CNPPD1: variants seen among roughly 807,000 people sequenced by gnomAD.
CNPPD1 encodes the protein protein CNPPD1.
A neutral mutation model predicts 43.7 loss-of-function variants in CNPPD1; 40 were observed. The ratio of observed to expected loss-of-function variants is 0.92; its 90% confidence interval spans 0.71 to 1.19. CNPPD1 has a LOEUF of 1.19. CNPPD1 is among the 50% of genes most tolerant of loss of function. CNPPD1 has a pLI of 0.00. For missense variants in CNPPD1, 511 were observed against 518.5 expected, an observed-to-expected ratio of 0.99 and a Z score of 0.14; for synonymous variants, 208 against 214.3, an observed-to-expected ratio of 0.97 and a Z score of 0.26.
chr2:219,177,770 TAAG>T (rs1950200801), upstream of CNPPD1: 1 of 152,122 alleles, frequency 6.6e-6, no homozygotes, highest in Non-Finnish European at 1.5e-5. Flanking sequence ...TGGGAAAGTT[TAAG>T]GAGATAGGAA....
chr2:219,176,383 C>G, intron 1 of CNPPD1, 52 bp from the exon 2 acceptor site: 1 of 1,349,604 alleles, frequency 7.4e-7, no homozygotes, highest in Non-Finnish European at 1.1e-6. Flanking sequence ...AGGTATGATG[C>G]AGATCCTGGC....
At chr2:219,176,608 T>C in intron 1 of CNPPD1, 152 bp downstream of exon 1, 1 of 667,392 alleles carries the variant, frequency 1.5e-6, no homozygotes, top group Non-Finnish European at 2.5e-6. Context: ...TCCGCGGCTC[T>C]CCCTCCCGGC....
chr2:219,177,004 C>G, upstream of CNPPD1: 1 of 561,940 alleles, frequency 1.8e-6, no homozygotes, highest in South Asian at 2.3e-5. Flanking sequence ...GGGGCCCGGG[C>G]TGAACTGGGC....
upstream of CNPPD1, chr2:219,177,644 C>T (rs569727801): frequency 6.6e-6 from 1 of 152,162 alleles, no homozygotes; most frequent in Non-Finnish European, 1.5e-5. Context: ...AACGTGTCAA[C>T]ACGTCCACCC....
Position 219,174,998 on chromosome 2 carries a change from A to G in CNPPD1, c.371T>C (p.Leu124Pro). The G allele has an allele frequency of 6.2e-7, 1 of 1,614,112 alleles. No homozygotes were observed. The highest frequency in any genetic ancestry group is 2.2e-5 in the East Asian group (1 of 44,880). ...LQHVSSSDLF[L>P]ISMMVASKYL... is the part of the protein sequence containing the mutation. Reference sequence around the variant, plus strand: ...GAGGGGGTGTCTTACCATGGAGATCAGGAACAAGTCAGAGGATGACACATG... The same window carrying G: ...GAGGGGGTGTCTTACCATGGAGATCGGGAACAAGTCAGAGGATGACACATG... Residue 124 changes from leucine (L) to proline (P), a missense_variant, in exon 4 of 8, where the codon CTG becomes CCG. Leu to Pro is a moderately conservative substitution (Grantham distance 98). Transcript: ENST00000360507.
chr2:219,176,819 T>C lies in CNPPD1; in HGVS notation c.10A>G (p.Thr4Ala). 1 of 1,578,124 alleles carries C rather than the reference T, an allele frequency of 6.3e-7. No homozygotes were observed. Among genetic ancestry groups the C allele is most frequent in the Non-Finnish European group, 8.6e-7 (1 of 1,162,658 alleles). ...CCTTCTTCGTCCAGCAGGAGCCCGG[T>C]CAGGTCCATCGCGCCGCCAGTCGCC... Reference protein sequence around the residue: MDLTGLLLDEEGTF... With the variant: MDLAGLLLDEEGTF... The change falls in exon 1 of 8, where the codon ACC becomes GCC. Residue 4 changes from threonine to alanine, a missense_variant. Thr to Ala is a moderately conservative substitution (Grantham distance 58). Coordinates refer to ENST00000360507, the MANE Select transcript of CNPPD1 (RefSeq NM_015680.6).
chr2:219,173,338 G>A lies in CNPPD1; in HGVS notation c.690+12C>T, dbSNP rs1950105922. The A allele has an allele frequency of 6.2e-7, 1 of 1,608,314 alleles. No individual in the cohort carries two copies. Among genetic ancestry groups the A allele is most frequent in the African/African-American group, 1.3e-5 (1 of 74,726 alleles). Reference sequence around the variant, plus strand: ...CTGCTCAAGCTCCCTATCCTTCCGAGCCCCTCCTCACCTTTACCAGCCGCT... The same window carrying A: ...CTGCTCAAGCTCCCTATCCTTCCGAACCCCTCCTCACCTTTACCAGCCGCT... On this transcript the variant is annotated intron_variant, in intron 7 of 7. Coordinates refer to ENST00000360507, the MANE Select transcript of CNPPD1 (RefSeq NM_015680.6).
intron 6 of CNPPD1, 138 bp downstream of exon 6, chr2:219,174,008 C>T (rs1950118679): frequency 6.0e-6 from 5 of 830,864 alleles, no homozygotes; most frequent in African/African-American, 1.7e-5. Context: ...ACAGATGGGT[C>T]TGGGAACCAC....
chr2:219,176,397 G>A, intron 1 of CNPPD1, 66 bp from the exon 2 acceptor site: 1 of 1,264,164 alleles, frequency 7.9e-7, no homozygotes, highest in Non-Finnish European at 1.1e-6. Context: ...TCCTGGCTCT[G>A]GGCTGGAAGG....
At position 219,174,853 on chromosome 2, in the gene CNPPD1, G is replaced by A. The variant is rs150288895; in HGVS notation, c.435C>T (p.Asn145=). 70 of 1,614,112 alleles carry A rather than the reference G, an allele frequency of 4.3e-5. No individual in the cohort carries two copies. The highest frequency in any genetic ancestry group is 1.2e-4 in the African/African-American group (9 of 75,050). ...CACCCCCAGCAGCTCCCCATTCGTC[G>A]TTGAAGACCTCCTCCTCCTCCCCTT... ...YDEGEEEEVF[N]DEWGAAGGVA... Residue 145 remains asparagine, a synonymous_variant, in exon 5 of 8, where the codon AAC becomes AAT. Transcript: ENST00000360507.
In CNPPD1 at chr2:219,172,433, A is replaced by T; in HGVS notation, c.*153T>A. On this transcript the variant is annotated 3_prime_UTR_variant, in exon 8 of 8. Transcript: ENST00000360507. ...TGCGATCTAGGAGTGAATTACCTTC[A>T]GTCCTTCTGCCCCACCACCCCATAA... is the stretch of plus-strand genomic sequence containing the variant. 1.3e-6 allele frequency: 1 copy of T among 788,374 alleles called. No individual in the cohort carries two copies. The highest frequency in any genetic ancestry group is 2.1e-6 in the Non-Finnish European group (1 of 475,040). The allele number at this position is 788,374 out of a possible 1,614,324, so 48.8% of individuals were successfully genotyped here.
Position 219,174,727 on chromosome 2 carries a change from C to T in CNPPD1, c.510+51G>A, listed in dbSNP as rs368798932. On this transcript the variant is annotated intron_variant, in intron 5 of 7. Coordinates refer to ENST00000360507, the MANE Select transcript of CNPPD1 (RefSeq NM_015680.6). ...TGAGAGAGAACAAAGGACTAAAGGACGGTTAAAGATGGGCCAGGGAAACTG... is the reference window on the plus strand; with the variant it reads ...TGAGAGAGAACAAAGGACTAAAGGATGGTTAAAGATGGGCCAGGGAAACTG... The T allele has an allele frequency of 7.6e-5, 116 of 1,530,040 alleles. No individual in the cohort carries two copies. In the African/African-American group the frequency reaches 1.2e-3, roughly 16 times the overall value. The allele number at this position is 1,530,040 out of a possible 1,614,324, so 94.8% of individuals were successfully genotyped here.
intron 3 of CNPPD1, among the ~76,000 whole-genome samples, chr2:219,175,329 T>C (rs1950141801): frequency 6.6e-6 from 1 of 151,940 alleles, no homozygotes; most frequent in Admixed American, 6.5e-5. Context: ...AAACCCCGTC[T>C]TTACTAAAAA....
At chr2:219,177,292 C>G (rs1351736416), upstream of CNPPD1, 2 of 129,150 alleles carry the variant, frequency 1.5e-5, no homozygotes, top group Non-Finnish European at 3.2e-5. Context: ...TCTCACGGAA[C>G]GTGGCCAAGC....
chr2:219,173,880 A>G (rs745499612), intron 6 of CNPPD1, among the ~76,000 whole-genome samples: 2 of 152,076 alleles, frequency 1.3e-5, no homozygotes, highest in Non-Finnish European at 2.9e-5. Flanking sequence ...GGACCCAAGT[A>G]ATCCTCCAGC....
In CNPPD1 at chr2:219,176,875, T is replaced by C. The variant is rs531566573; in HGVS notation, c.-47A>G. ...GCGAAGGTGAACGGAAGGAAACGAG[T>C]TGTAGGGGGCTCGCGGAGCTGTCCT... On this transcript the variant is annotated 5_prime_UTR_variant, in exon 1 of 8. Coordinates refer to ENST00000360507, the MANE Select transcript of CNPPD1 (RefSeq NM_015680.6). 6.7e-7 allele frequency: 1 copy of C among 1,492,926 alleles called. No homozygotes were observed. The highest frequency in any genetic ancestry group is 1.2e-5 in the South Asian group (1 of 82,530). The allele number at this position is 1,492,926 out of a possible 1,614,324, so 92.5% of individuals were successfully genotyped here. A position where few individuals can be genotyped will look rare whatever the true frequency, so the allele number is the denominator to read the frequency against.
upstream of CNPPD1, chr2:219,176,965 G>T (rs933230102): frequency 7.1e-5 from 47 of 661,890 alleles, no homozygotes; most frequent in Admixed American, 4.1e-4. Context: ...CCTCGCCCTC[G>T]CAGCTCCCTC....
rs374803866 is a variant in CNPPD1, at chr2:219,175,624, C to T, written c.227G>A (p.Arg76Gln). The T allele has an allele frequency of 1.9e-6, 3 of 1,613,926 alleles. No homozygotes were observed. The highest frequency in any genetic ancestry group is 1.3e-5 in the African/African-American group (1 of 75,000). ...ATGAGCTACATATTTCTTCTGGAGT[C>T]GGCGAATAGGGCTGGGGGCTGCCTT... ...LQKAAPSPIR[R>Q]LQKKYVAHVS... The change falls in exon 3 of 8, where the codon CGA becomes CAA. Residue 76 changes from arginine (R) to glutamine (Q), a missense_variant. By Grantham distance (43) the Arg-to-Gln change is conservative. Coordinates refer to ENST00000360507, the MANE Select transcript of CNPPD1 (RefSeq NM_015680.6).
chr2:219,176,442 G>A (rs1268982776), intron 1 of CNPPD1, 111 bp from the exon 2 acceptor site: 5 of 822,850 alleles, frequency 6.1e-6, no homozygotes, highest in South Asian at 1.6e-5. Flanking sequence ...GCTGCTAGGG[G>A]GCCCGTGCCT....
Sources: gnomAD v4.1 joint callset for allele counts (sites outside exome capture counted in the v4.1 genomes callset) on GRCh38, gnomAD v4.1.1 for gene constraint, MANE v1.5 for transcripts, NCBI Gene and HGNC (gene_info 2026-07-23, HGNC 2026-07-21) for gene names.